BRD4: variants seen among roughly 807,000 people sequenced by gnomAD.
BRD4 encodes the protein bromodomain containing 4.
A neutral mutation model predicts 142.1 loss-of-function variants in BRD4; 16 were observed. The ratio of observed to expected loss-of-function variants is 0.11; its 90% confidence interval spans 0.08 to 0.17. BRD4 has a LOEUF of 0.17. BRD4 is among the 10% of genes least tolerant of loss of function. BRD4 has a pLI of 1.00. For synonymous variants in BRD4, 833 were observed against 707.5 expected (o/e 1.18, Z -2.82); for missense variants, 1,424 against 1,810.9 (o/e 0.79, Z 3.88).
chr19:15,293,018 G>A (rs983531351), intron 1 of BRD4, among the ~76,000 whole-genome samples: 3 of 151,956 alleles, frequency 2.0e-5, no homozygotes, highest in African/African-American at 4.8e-5. Flanking sequence ...ACCACACCAA[G>A]TGCACACCTG....
intron 1 of BRD4, among the ~76,000 whole-genome samples, chr19:15,308,278 G>A (rs2047934870): frequency 6.7e-6 from 1 of 149,624 alleles, no homozygotes; most frequent in African/African-American, 2.5e-5. Context: ...GCAACACAGT[G>A]GAGACCTCGT....
intron 1 of BRD4, among the ~76,000 whole-genome samples, chr19:15,322,023 TAC>T (rs989724179): frequency 6.6e-6 from 1 of 151,692 alleles, no homozygotes; most frequent in Non-Finnish European, 1.5e-5. Context: ...GGCACATACA[TAC>T]ACACACACAC....
In BRD4 at chr19:15,255,351, G is replaced by A. The variant is rs1005077274; in HGVS notation, c.1993C>T (p.Arg665Cys). The A allele has an allele frequency of 6.2e-7, 1 of 1,614,098 alleles. No individual in the cohort carries two copies. The highest frequency in any genetic ancestry group is 8.5e-7 in the Non-Finnish European group (1 of 1,180,002). Residue 665 changes from arginine (R) to cysteine (C), a missense_variant, in exon 10 of 20, where the codon CGT becomes TGT. By Grantham distance (180) the Arg-to-Cys change is radical. Transcript: ENST00000679869. ...DFETLKPSTL[R>C]ELERYVTSCL... ...GAGGTGACATAGCGCTCCAGCTCACGCAGTGTGGACGGCTTCAGGGTCTCA... is the reference window on the plus strand; with the variant it reads ...GAGGTGACATAGCGCTCCAGCTCACACAGTGTGGACGGCTTCAGGGTCTCA...
At position 15,238,797 on chromosome 19, in the gene BRD4, G is replaced by A. The variant is rs371743668; in HGVS notation, c.3966C>T (p.Asp1322=). ...GCTTCCGGGCCAACTCCCTCTGCTG[G>A]TCCAGCATGGACTGGGGCTGGGAGC... ...AQSSQPQSML[D]QQRELARKRE... The change falls in exon 19 of 20, where the codon GAC becomes GAT. Residue 1322 remains aspartate, a synonymous_variant. Coordinates refer to ENST00000679869, the MANE Select transcript of BRD4 (RefSeq NM_001379291.1). The surrounding 1 kb of genome is among the most constrained non-coding windows in gnomAD (Gnocchi z 7.2). 2.0e-5 allele frequency: 32 copies of A among 1,597,618 alleles called. No individual in the cohort carries two copies. The highest frequency in any genetic ancestry group is 2.6e-5 in the Non-Finnish European group (30 of 1,169,660).
Position 15,235,587 on chromosome 19 carries a change from C to T in BRD4, c.*2790G>A, listed in dbSNP as rs1454306068. ...TGCACAAAAAAAAAAAAAAACCTTT[C>T]GTATGTAAGTGAAAAGTCTACGAAT... On this transcript the variant is annotated 3_prime_UTR_variant, in exon 20 of 20. Coordinates refer to ENST00000679869, the MANE Select transcript of BRD4 (RefSeq NM_001379291.1). 9 of 151,296 alleles carry T rather than the reference C, an allele frequency of 5.9e-5. No homozygotes were observed. The East Asian group carries it at 1.2e-3, about 20-fold the overall frequency. 9.4% of individuals were successfully genotyped at this position (151,296 alleles called of 1,614,324 possible).
chr19:15,244,680 C>T (rs376240003), intron 12 of BRD4, 30 bp downstream of exon 12: 9 of 1,613,984 alleles, frequency 5.6e-6, no homozygotes, highest in Non-Finnish European at 7.6e-6. Context: ...AACGTCCCAC[C>T]TAATGAAGGA....
chr19:15,274,869 C>CTTTT (rs745455535), intron 1 of BRD4, among the ~76,000 whole-genome samples: 41 of 142,996 alleles, frequency 2.9e-4, no homozygotes, highest in East Asian at 2.8e-3. Context: ...CTGAATTTTC[C>CTTTT]TTTTTTTTTT....
intron 6 of BRD4, 28 bp downstream of exon 6, chr19:15,264,376 T>C (rs1205632610): frequency 1.3e-6 from 2 of 1,568,010 alleles, no homozygotes; most frequent in Non-Finnish European, 1.7e-6. Context: ...GCCCACCTTG[T>C]CCCTTCCCTC....
intron 1 of BRD4, among the ~76,000 whole-genome samples, chr19:15,276,704 A>G (rs1176750855): frequency 2.6e-5 from 4 of 152,202 alleles, no homozygotes; most frequent in Non-Finnish European, 4.4e-5. Context: ...AGCTCTGGAA[A>G]AGCAAAACAG....
intron 13 of BRD4, 146 bp downstream of exon 13, chr19:15,244,085 G>A: frequency 1.4e-6 from 2 of 1,423,184 alleles, no homozygotes; most frequent in Non-Finnish European, 1.9e-6. Context: ...TAACTTCCAA[G>A]ATGGCCTCGA....
chr19:15,316,765 G>C (rs145951218), intron 1 of BRD4, among the ~76,000 whole-genome samples: 1 of 152,326 alleles, frequency 6.6e-6, no homozygotes, highest in East Asian at 1.9e-4. Flanking sequence ...TGGGTGAAAA[G>C]GAGACCTGTC....
chr19:15,244,401 T>A lies in BRD4; in HGVS notation c.2411A>T (p.Gln804Leu). ...GAGCTGGGGCTCCAGGACGGGCACC[T>A]GGGTGGCAATGAAGGGTGGGGGCGA... Reference protein sequence around the residue: ...KSSPPPFIATQVPVLEPQLPG... With the variant: ...KSSPPPFIATLVPVLEPQLPG... Residue 804 changes from glutamine (Q) to leucine (L), a missense_variant, in exon 13 of 20, where the codon CAG (glutamine) becomes CTG (leucine). Around this residue, in one of 16 missense-constraint regions of BRD4, gnomAD observed 598 missense variants for 647.8 expected, o/e 0.92. Transcript: ENST00000679869. 7.2e-7 allele frequency: 1 copy of A among 1,389,274 alleles called. No homozygotes were observed. Among genetic ancestry groups the A allele is most frequent in the Non-Finnish European group, 9.5e-7 (1 of 1,055,948 alleles). 86.1% of individuals were successfully genotyped at this position (1,389,274 alleles called of 1,614,324 possible). A position where few individuals can be genotyped will look rare whatever the true frequency, so the allele number is the denominator to read the frequency against.
chr19:15,244,259 G>T lies in BRD4; in HGVS notation c.2553C>A (p.Leu851=). Residue 851 remains leucine (L), a synonymous_variant, in exon 13 of 20, where the codon CTC becomes CTA. Transcript: ENST00000679869. ...GAGGAGAGACCACTGCGTGCTGGTT[G>T]AGATGGGGTGGAGTGCTGTGCTCAG... ...QPPEHSTPPH[L]NQHAVVSPPA... The T allele has an allele frequency of 6.3e-7, 1 of 1,581,122 alleles. No individual in the cohort carries two copies.
chr19:15,290,201 C>T (rs996924628), intron 1 of BRD4, among the ~76,000 whole-genome samples: 1 of 152,086 alleles, frequency 6.6e-6, no homozygotes, highest in Non-Finnish European at 1.5e-5. Context: ...TCGAGGCCTC[C>T]TCCTGCTCGA....
chr19:15,283,614 T>G (rs1266765499), intron 1 of BRD4, among the ~76,000 whole-genome samples: 1 of 152,184 alleles, frequency 6.6e-6, no homozygotes, highest in Non-Finnish European at 1.5e-5. Context: ...ACACACCAGC[T>G]TAACACACAG....
At chr19:15,276,454 C>T (rs893985115) in intron 1 of BRD4, among the ~76,000 whole-genome samples, 2 of 152,050 alleles carry the variant, frequency 1.3e-5, no homozygotes, top group African/African-American at 4.8e-5. Context: ...GATCTGCTAG[C>T]CCTACTGCCA....
At position 15,257,525 on chromosome 19, in the gene BRD4, C is replaced by T. The variant is rs185944605; in HGVS notation, c.1342-352G>A. Among the ~76,000 whole-genome samples, 22 of 152,308 alleles carry T rather than the reference C, an allele frequency of 1.4e-4. No homozygotes were observed. In the East Asian group the frequency reaches 3.7e-3, roughly 25 times the overall value. ...GTACTGGACCAAGGGCATCCTCAAA[C>T]CCCAAAACAGTTAGCCGAGGCTCCC... is the stretch of plus-strand genomic sequence containing the variant. On this transcript the variant is annotated intron_variant, in intron 7 of 19. Transcript: ENST00000679869.
intron 1 of BRD4, among the ~76,000 whole-genome samples, chr19:15,326,879 A>C (rs1352890025): frequency 2.0e-5 from 3 of 152,182 alleles, no homozygotes; most frequent in Non-Finnish European, 4.4e-5. Flanking sequence ...TCGAGACTGA[A>C]AACAAACTGC....
Position 15,243,027 on chromosome 19 carries a change from G to C in BRD4, c.3042C>G (p.Pro1014=), listed in dbSNP as rs2047251630. Residue 1014 remains proline, a synonymous_variant, in exon 14 of 20, where the codon CCC becomes CCG. Transcript: ENST00000679869. ...FSTHIQQPPP[P]QGQQPPHPPP... is the part of the protein sequence containing the mutation. Reference sequence around the variant, plus strand: ...GCGGATGGGGGGGCTGCTGGCCCTGGGGTGGCGGGGGCTGTTGGATGTGGG... The same window carrying C: ...GCGGATGGGGGGGCTGCTGGCCCTGCGGTGGCGGGGGCTGTTGGATGTGGG... 6.5e-7 allele frequency: 1 copy of C among 1,533,072 alleles called. No individual in the cohort carries two copies. Among genetic ancestry groups the C allele is most frequent in the African/African-American group, 1.4e-5 (1 of 72,010 alleles). 95.0% of individuals were successfully genotyped at this position (1,533,072 alleles called of 1,614,324 possible).
Sources: gnomAD v4.1 joint callset for allele counts (sites outside exome capture counted in the v4.1 genomes callset) on GRCh38, gnomAD v4.1.1 for gene constraint, gnomAD v4.1.1 regional missense constraint, Gnocchi (gnomAD v3.1) non-coding constraint, MANE v1.5 for transcripts, NCBI Gene and HGNC (gene_info 2026-07-23, HGNC 2026-07-21) for gene names.